PDP1: variants seen among roughly 807,000 people sequenced by gnomAD.
The protein encoded by PDP1 is pyruvate dehyrogenase phosphatase catalytic subunit 1.
In PDP1, 14 loss-of-function variants were observed where a neutral mutation model predicts 37.1. That is an observed-to-expected ratio of 0.38 (90% CI 0.25 to 0.59). The LOEUF (loss-of-function observed/expected upper bound fraction) is 0.59. PDP1 is among the 20% of genes least tolerant of loss of function. The probability of loss-of-function intolerance (pLI) is 0.67; values close to 1 mark genes in which losing one functional copy is unlikely to be tolerated. For missense variants in PDP1, 544 were observed against 655.3 expected (o/e 0.83, Z 1.85); for synonymous variants, 251 against 243.3 (o/e 1.03, Z -0.29).
Position 93,917,020 on chromosome 8 carries a change from G to A in PDP1, c.-104G>A, listed in dbSNP as rs1810081392. ...GGCTGCGTGGAAAGAGCGCCGAGCG[G>A]TGGCGTCGTTGTCGCCCCCTCCTCG... is the stretch of plus-strand genomic sequence containing the variant. On this transcript the variant is annotated 5_prime_UTR_variant, in exon 1 of 2. It adds an upstream start codon to the 5' untranslated region. Coordinates refer to ENST00000297598, the MANE Select transcript of PDP1 (RefSeq NM_018444.4). 1 of 478,346 alleles carries A rather than the reference G, an allele frequency of 2.1e-6. No individual in the cohort carries two copies. The highest frequency in any genetic ancestry group is 1.5e-5 in the South Asian group (1 of 66,898). 29.6% of individuals were successfully genotyped at this position (478,346 alleles called of 1,614,324 possible). A position where few individuals can be genotyped will look rare whatever the true frequency, so the allele number is the denominator to read the frequency against.
chr8:93,922,287 G>T lies in PDP1; in HGVS notation c.228G>T (p.Gln76His). Residue 76 changes from glutamine to histidine, a missense_variant, in exon 2 of 2, where the codon CAG (glutamine) becomes CAT (histidine). Physicochemically the swap from Gln to His is conservative, Grantham distance 24. This residue lies in a region of PDP1 where 342 missense variants were observed against 414.0 expected (regional missense o/e 0.83). Transcript: ENST00000297598. The surrounding 1 kb of genome is among the most constrained non-coding windows in gnomAD (Gnocchi z 4.0). ...TQGRRYASTPQKFYLTPPQVN... is the reference protein window; with the variant it reads ...TQGRRYASTPHKFYLTPPQVN... ...GAAGGAGATATGCTTCCACACCACA[G>T]AAATTTTACCTCACACCTCCACAAG... 1 of 1,614,208 alleles carries T rather than the reference G, an allele frequency of 6.2e-7. No homozygotes were observed. Among genetic ancestry groups the T allele is most frequent in the Non-Finnish European group, 8.5e-7 (1 of 1,180,034 alleles).
rs1260580387 is a variant in PDP1 at position 93,925,614 on chromosome 8, G to A, written c.*1941G>A. On this transcript the variant is annotated 3_prime_UTR_variant, in exon 2 of 2. Coordinates refer to ENST00000297598, the MANE Select transcript of PDP1 (RefSeq NM_018444.4). ...AGTAGTATTATTACACAAGAAACTT[G>A]GTCTGCAGTCTGGAAGCTTGTCTGC... 2 of 166,850 alleles carry A rather than the reference G, an allele frequency of 1.2e-5. No homozygotes were observed. The highest frequency in any genetic ancestry group is 4.1e-4 in the South Asian group (2 of 4,820). The allele number at this position is 166,850 out of a possible 1,614,324, so 10.3% of individuals were successfully genotyped here.
At chr8:93,919,621 C>G (rs961657059) in intron 1 of PDP1, among the ~76,000 whole-genome samples, 2 of 151,610 alleles carry the variant, frequency 1.3e-5, no homozygotes, top group African/African-American at 4.9e-5. Flanking sequence ...CCCTCCCCCC[C>G]ACACAAATAG....
chr8:93,922,743 T>G lies in PDP1; in HGVS notation c.684T>G (p.Thr228=), dbSNP rs757895185. The G allele has an allele frequency of 1.2e-6, 2 of 1,614,064 alleles. No homozygotes were observed. Among genetic ancestry groups the G allele is most frequent in the South Asian group, 1.1e-5 (1 of 91,088 alleles). ...ELIDLNTGES[T]DIDVKEALIN... is the part of the protein sequence containing the mutation. ...TAGACCTCAACACTGGTGAGTCGAC[T>G]GATATTGATGTTAAGGAGGCTCTAA... The change falls in exon 2 of 2, where the codon ACT becomes ACG. Residue 228 remains threonine, a synonymous_variant. Coordinates refer to ENST00000297598, the MANE Select transcript of PDP1 (RefSeq NM_018444.4). This position sits in a 1 kb window ranked among gnomAD's most constrained non-coding sequence, Gnocchi z 4.0.
In PDP1 at chr8:93,924,702, G is replaced by C. The variant is rs762919416; in HGVS notation, c.*1029G>C. ...GGTATTGAGACAGGAGGAAGTTTCT[G>C]TTTTTCTCCATTTAGACATAGGTCA... On this transcript the variant is annotated 3_prime_UTR_variant, in exon 2 of 2. Transcript: ENST00000297598. 1.8e-5 allele frequency: 3 copies of C among 167,046 alleles called. No individual in the cohort carries two copies. Among genetic ancestry groups the C allele is most frequent in the Non-Finnish European group, 2.9e-5 (2 of 68,094 alleles). The allele number at this position is 167,046 out of a possible 1,614,324, so 10.3% of individuals were successfully genotyped here. A position where few individuals can be genotyped will look rare whatever the true frequency, so the allele number is the denominator to read the frequency against.
intron 1 of PDP1, among the ~76,000 whole-genome samples, chr8:93,919,489 C>T (rs915396948): frequency 1.4e-5 from 1 of 72,226 alleles, no homozygotes; most frequent in South Asian, 7.2e-4. Context: ...CCCCCCGCTG[C>T]CCTCCCTCCC....
intron 1 of PDP1, chr8:93,917,817 G>A: frequency 1.9e-6 from 3 of 1,607,492 alleles, no homozygotes; most frequent in Middle Eastern, 1.7e-4. Flanking sequence ...CCTCTAATGA[G>A]CATCTCTGCC....
In PDP1 at chr8:93,922,146, C is replaced by T. The variant is rs758947272; in HGVS notation, c.87C>T (p.His29=). ...ATGGCACTGCATGTTACTGCCACCA[C>T]AAACATCTCTGTTGTTCCTCATCGT... ...RIYGTACYCH[H]KHLCCSSSYI... Residue 29 remains histidine (H), a synonymous_variant, in exon 2 of 2, where the codon CAC becomes CAT. Coordinates refer to ENST00000297598, the MANE Select transcript of PDP1 (RefSeq NM_018444.4). This position sits in a 1 kb window ranked among gnomAD's most constrained non-coding sequence, Gnocchi z 4.0. 1.3e-5 allele frequency: 21 copies of T among 1,614,052 alleles called. No individual in the cohort carries two copies. The highest frequency in any genetic ancestry group is 1.7e-5 in the Non-Finnish European group (20 of 1,179,996).
At position 93,923,505 on chromosome 8, in the gene PDP1, C is replaced by G; in HGVS notation, c.1446C>G (p.Leu482=). 1.9e-6 allele frequency: 3 copies of G among 1,606,314 alleles called. No individual in the cohort carries two copies. The highest frequency in any genetic ancestry group is 2.6e-6 in the Non-Finnish European group (3 of 1,173,462). The change falls in exon 2 of 2, where the codon CTC becomes CTG. Residue 482 remains leucine, a synonymous_variant. Transcript: ENST00000297598. This position sits in a 1 kb window ranked among gnomAD's most constrained non-coding sequence, Gnocchi z 4.3. The part of the protein sequence containing the change: ...VFEDQNAATH[L]IRHAVGNNEF... ...AGGATCAGAACGCAGCAACCCATCT[C>G]ATTCGCCACGCTGTGGGCAACAACG...
rs373946288 is a variant in PDP1 at position 93,923,422 on chromosome 8, C to G, written c.1363C>G (p.Leu455Val). ...PIAVGGYKVT[L>V]GQMHGLLTER... Reference sequence around the variant, plus strand: ...AGCTGTTGGTGGCTACAAGGTGACTCTGGGACAGATGCATGGCCTTTTAAC... The same window carrying G: ...AGCTGTTGGTGGCTACAAGGTGACTGTGGGACAGATGCATGGCCTTTTAAC... The change falls in exon 2 of 2, where the codon CTG becomes GTG. Residue 455 changes from leucine (L) to valine (V), a missense_variant. Physicochemically the swap from Leu to Val is conservative, Grantham distance 32. Around this residue, in one of 5 missense-constraint regions of PDP1, gnomAD observed 159 missense variants for 165.5 expected, o/e 0.96. Coordinates refer to ENST00000297598, the MANE Select transcript of PDP1 (RefSeq NM_018444.4). This position sits in a 1 kb window ranked among gnomAD's most constrained non-coding sequence, Gnocchi z 4.3. 4 of 1,602,670 alleles carry G rather than the reference C, an allele frequency of 2.5e-6. No homozygotes were observed. Among genetic ancestry groups the G allele is most frequent in the Non-Finnish European group, 3.4e-6 (4 of 1,172,948 alleles).
At chr8:93,917,120 G>T in intron 1 of PDP1, 41 bp downstream of exon 1, 2 of 457,308 alleles carry the variant, frequency 4.4e-6, no homozygotes, top group Non-Finnish European at 8.6e-6. Context: ...GCCCCGTCCG[G>T]GATCCTCCAC....
intron 1 of PDP1, chr8:93,920,596 A>T (rs1762129270): frequency 1.0e-6 from 1 of 958,720 alleles, no homozygotes; most frequent in African/African-American, 1.8e-5. Flanking sequence ...AATGCCCAGA[A>T]ATTATTTTCA....
intron 1 of PDP1, among the ~76,000 whole-genome samples, chr8:93,917,498 G>T (rs1056801626): frequency 6.6e-6 from 1 of 151,640 alleles, no homozygotes; most frequent in Non-Finnish European, 1.5e-5. Context: ...GGACTGAAAC[G>T]GGCACCCCTG....
rs2130387865 is a variant in PDP1, at chr8:93,922,862, C to T, written c.803C>T (p.Ala268Val). 6.2e-7 allele frequency: 1 copy of T among 1,614,204 alleles called. No individual in the cohort carries two copies. The highest frequency in any genetic ancestry group is 8.5e-7 in the Non-Finnish European group (1 of 1,180,024). The change falls in exon 2 of 2, where the codon GCA becomes GTA. Residue 268 changes from alanine to valine, a missense_variant. This residue lies in a region of PDP1 where 342 missense variants were observed against 414.0 expected (regional missense o/e 0.83). Coordinates refer to ENST00000297598, the MANE Select transcript of PDP1 (RefSeq NM_018444.4). The surrounding 1 kb of genome is among the most constrained non-coding windows in gnomAD (Gnocchi z 4.0). ...CTCAACTACCTGGTGCTTCGAGTGG[C>T]ATTTTCTGGAGCCACTGCTTGTGTG... is the stretch of plus-strand genomic sequence containing the variant. ...SFLNYLVLRV[A>V]FSGATACVAH... is the part of the protein sequence containing the mutation.
chr8:93,920,614 TAGTG>T lies in PDP1; in HGVS notation c.-44-1396_-44-1393del, dbSNP rs1450021974. 6.3e-6 allele frequency: 6 copies of T among 950,436 alleles called. No individual in the cohort carries two copies. In the African/African-American group the frequency reaches 8.9e-5, roughly 14 times the overall value. 58.9% of individuals were successfully genotyped at this position (950,436 alleles called of 1,614,324 possible). On this transcript the variant is annotated intron_variant, in intron 1 of 1. Transcript: ENST00000297598. ...GCCCAGAAATTATTTTCAGCGCACA[TAGTG>T]AGTGATAGGATTTTTTTTAAGTTTG...
chr8:93,921,465 T>C (rs1316945014), intron 1 of PDP1: 2 of 347,690 alleles, frequency 5.8e-6, no homozygotes, highest in Non-Finnish European at 8.1e-6. Flanking sequence ...ATGTATATGA[T>C]GTACACGTAA....
intron 1 of PDP1, chr8:93,921,701 G>C (rs1810276467): frequency 4.4e-6 from 1 of 228,932 alleles, no homozygotes; most frequent in Middle Eastern, 1.5e-3. Context: ...CATCTCCTCA[G>C]CTTTCCCCAG....
rs1338199837 is a variant in PDP1, at chr8:93,925,478, AT to A, written c.*1808del. On this transcript the variant is annotated 3_prime_UTR_variant, in exon 2 of 2. Coordinates refer to ENST00000297598, the MANE Select transcript of PDP1 (RefSeq NM_018444.4). Reference sequence around the variant, plus strand: ...CTAGCAAACCCTATTTTCAGCTACTATTTGAATATTCTTGAACACCACCACT... The same window carrying A: ...CTAGCAAACCCTATTTTCAGCTACTATTGAATATTCTTGAACACCACCACT... 3.0e-5 allele frequency: 5 copies of A among 167,032 alleles called. No homozygotes were observed. The East Asian group carries it at 9.6e-4, about 32-fold the overall frequency. The allele number at this position is 167,032 out of a possible 1,614,324, so 10.3% of individuals were successfully genotyped here.
Position 93,922,768 on chromosome 8 carries a change from A to C in PDP1, c.709A>C (p.Ile237Leu). 1 of 1,614,200 alleles carries C rather than the reference A, an allele frequency of 6.2e-7. No individual in the cohort carries two copies. The highest frequency in any genetic ancestry group is 2.2e-5 in the East Asian group (1 of 44,880). ...STDIDVKEAL[I>L]NAFKRLDNDI... ...TGATATTGATGTTAAGGAGGCTCTA[A>C]TTAATGCCTTCAAGAGGCTTGATAA... The change falls in exon 2 of 2, where the codon ATT becomes CTT. Residue 237 changes from isoleucine to leucine, a missense_variant. Ile to Leu is a conservative substitution (Grantham distance 5). Around this residue, in one of 5 missense-constraint regions of PDP1, gnomAD observed 342 missense variants for 414.0 expected, o/e 0.83. Coordinates refer to ENST00000297598, the MANE Select transcript of PDP1 (RefSeq NM_018444.4). This position sits in a 1 kb window ranked among gnomAD's most constrained non-coding sequence, Gnocchi z 4.0.
Sources: allele counts gnomAD v4.1 joint callset (sites outside exome capture counted in the v4.1 genomes callset), GRCh38; gene constraint gnomAD v4.1.1; regional missense constraint gnomAD v4.1.1; non-coding constraint Gnocchi (gnomAD v3.1); transcripts MANE v1.5; gene names NCBI Gene and HGNC (gene_info 2026-07-23, HGNC 2026-07-21).